Variants in ISL1 observed in about 807,000 individuals in gnomAD.
ISL1 encodes ISL LIM homeobox 1, also known as insulin gene enhancer protein ISL-1.
In ISL1, 4 loss-of-function variants were observed where a neutral mutation model predicts 35.3. The ratio of observed to expected loss-of-function variants is 0.11; its 90% CI spans 0.06 to 0.26. The LOEUF is 0.26. Among genes scored for constraint, ISL1 ranks in the 10% least tolerant of loss-of-function variants. The probability of loss-of-function intolerance (pLI) is 1.00; values close to 1 mark genes in which losing one functional copy is unlikely to be tolerated. For synonymous variants in ISL1, 186 were observed against 172.3 expected (o/e 1.08, Z -0.62); for missense variants, 340 against 472.8 (o/e 0.72, Z 2.60).
At chr5:51,385,198 A>G (rs3811910) in intron 2 of ISL1, among the ~76,000 whole-genome samples, 29,446 of 152,180 alleles carry the variant, frequency 0.19, 3,582 homozygotes, top group African/African-American at 0.34. Context: ...GTTTGACCGA[A>G]GCATGTTTAG....
In ISL1 at chr5:51,389,597, C is replaced by A. The variant is rs541905410; in HGVS notation, c.479-49C>A. On this transcript the variant is annotated intron_variant, in intron 3 of 5. Coordinates refer to ENST00000230658, the MANE Select transcript of ISL1 (RefSeq NM_002202.3). This position sits in a 1 kb window ranked among gnomAD's most constrained non-coding sequence, Gnocchi z 5.0. ...AGCGAGCGCGCGACCGCGGGCGGGC[C>A]GGCAAGCGAGCCTCCAGCCCAGCGC... is the stretch of plus-strand genomic sequence containing the variant. The A allele has an allele frequency of 4.1e-6, 6 of 1,449,572 alleles. No individual in the cohort carries two copies. Among genetic ancestry groups the A allele is most frequent in the African/African-American group, 1.5e-5 (1 of 67,454 alleles). The allele number at this position is 1,449,572 out of a possible 1,614,324, so 89.8% of individuals were successfully genotyped here. A position where few individuals can be genotyped will look rare whatever the true frequency, so the allele number is the denominator to read the frequency against.
At chr5:51,390,551 T>C (rs554358132) in intron 4 of ISL1, among the ~76,000 whole-genome samples, 51 of 151,336 alleles carry the variant, frequency 3.4e-4, no homozygotes, top group African/African-American at 1.1e-3. Context: ...TCCACTGTTA[T>C]CTTGGTCCCA....
chr5:51,383,651 A>T lies in ISL1; in HGVS notation c.-21A>T. On this transcript the variant is annotated 5_prime_UTR_variant, in exon 1 of 6. Coordinates refer to ENST00000230658, the MANE Select transcript of ISL1 (RefSeq NM_002202.3). ...CTGTACAACCACCATTTCACTGTGG[A>T]CATTACTCCCTCTTACAGATATGGG... 1.3e-6 allele frequency: 2 copies of T among 1,599,922 alleles called. No homozygotes were observed. The highest frequency in any genetic ancestry group is 1.7e-6 in the Non-Finnish European group (2 of 1,166,952).
At chr5:51,383,810 G>A in intron 1 of ISL1, 111 bp downstream of exon 1, 1 of 944,402 alleles carries the variant, frequency 1.1e-6, no homozygotes, top group Non-Finnish European at 1.7e-6. Flanking sequence ...TCATTGCCTG[G>A]AGAAAGAGAA....
chr5:51,394,027 T>G lies in ISL1; in HGVS notation c.*417T>G. On this transcript the variant is annotated 3_prime_UTR_variant, in exon 6 of 6. Coordinates refer to ENST00000230658, the MANE Select transcript of ISL1 (RefSeq NM_002202.3). ...TGCTGTTTCTATATTGGTCATTGCC[T>G]TGCCAAACAGGAGCTCCAGCAAAAG... 1 of 202,514 alleles carries G rather than the reference T, an allele frequency of 4.9e-6. No homozygotes were observed. Among genetic ancestry groups the G allele is most frequent in the South Asian group, 8.2e-5 (1 of 12,248 alleles). The allele number at this position is 202,514 out of a possible 1,614,324, so 12.5% of individuals were successfully genotyped here. A position where few individuals can be genotyped will look rare whatever the true frequency, so the allele number is the denominator to read the frequency against.
intron 2 of ISL1, among the ~76,000 whole-genome samples, chr5:51,385,488 G>A (rs760768151): frequency 2.6e-5 from 4 of 151,998 alleles, no homozygotes; most frequent in Admixed American, 6.6e-5. Context: ...TTAAAATCTG[G>A]TAACTGATAA....
Position 51,387,465 on chromosome 5 carries a change from C to G in ISL1, c.219-25C>G. On this transcript the variant is annotated intron_variant, in intron 2 of 5. Coordinates refer to ENST00000230658, the MANE Select transcript of ISL1 (RefSeq NM_002202.3). The surrounding 1 kb of genome is among the most constrained non-coding windows in gnomAD (Gnocchi z 4.3). ...TACTTCTCTCCCCGCTCTGGGCCGC[C>G]TCCGCTCCCCCCTCCCCCGCACAGG... is the stretch of plus-strand genomic sequence containing the variant. The G allele has an allele frequency of 6.2e-7, 1 of 1,613,244 alleles. No individual in the cohort carries two copies. Among genetic ancestry groups the G allele is most frequent in the Non-Finnish European group, 8.5e-7 (1 of 1,179,666 alleles).
chr5:51,387,496 C>T lies in ISL1; in HGVS notation c.225C>T (p.Tyr75=), dbSNP rs1260019482. 5.0e-6 allele frequency: 8 copies of T among 1,614,000 alleles called. No homozygotes were observed. The highest frequency in any genetic ancestry group is 1.7e-4 in the Middle Eastern group (1 of 6,060). The change falls in exon 3 of 6, where the codon TAC becomes TAT. Residue 75 remains tyrosine (Y), a synonymous_variant. Coordinates refer to ENST00000230658, the MANE Select transcript of ISL1 (RefSeq NM_002202.3). The surrounding 1 kb of genome is among the most constrained non-coding windows in gnomAD (Gnocchi z 4.3). ...TYCKRDYIRL[Y]GIKCAKCSIG... ...TCCCCCCTCCCCCGCACAGGTTGTA[C>T]GGGATCAAATGCGCCAAGTGCAGCA...
chr5:51,385,635 C>T (rs1747325750), intron 2 of ISL1, among the ~76,000 whole-genome samples: 1 of 151,526 alleles, frequency 6.6e-6, no homozygotes, highest in Non-Finnish European at 1.5e-5. Context: ...CTCAAGTTTC[C>T]TCTGACTTGT....
intron 5 of ISL1, among the ~76,000 whole-genome samples, chr5:51,392,183 C>T (rs949412495): frequency 1.3e-5 from 2 of 152,178 alleles, no homozygotes; most frequent in African/African-American, 4.8e-5. Flanking sequence ...AAAACCTTAA[C>T]ATGTTTTCCA....
chr5:51,389,422 G>A lies in ISL1; in HGVS notation c.479-224G>A, dbSNP rs1747428196. 6.6e-6 allele frequency among the ~76,000 whole-genome samples: 1 copy of A among 152,140 alleles called. No homozygotes were observed. The highest frequency in any genetic ancestry group is 1.5e-5 in the Non-Finnish European group (1 of 68,020). On this transcript the variant is annotated intron_variant, in intron 3 of 5. Coordinates refer to ENST00000230658, the MANE Select transcript of ISL1 (RefSeq NM_002202.3). The surrounding 1 kb of genome is among the most constrained non-coding windows in gnomAD (Gnocchi z 5.0). ...AGCAAAGACCTCTGCAGATTAGAGAGGAAGATTTTATTCTCCCTTTCACCC... is the reference window on the plus strand; with the variant it reads ...AGCAAAGACCTCTGCAGATTAGAGAAGAAGATTTTATTCTCCCTTTCACCC...
rs1747577912 is a variant in ISL1, at chr5:51,394,007, T to TA, written c.*397_*398insA. The TA allele has an allele frequency of 1.2e-5, 3 of 254,264 alleles. No homozygotes were observed. The highest frequency in any genetic ancestry group is 2.3e-5 in the Non-Finnish European group (3 of 129,760). 15.8% of individuals were successfully genotyped at this position (254,264 alleles called of 1,614,324 possible). On this transcript the variant is annotated 3_prime_UTR_variant, in exon 6 of 6. Coordinates refer to ENST00000230658, the MANE Select transcript of ISL1 (RefSeq NM_002202.3). ...GTCCATCCTAATCTGAATGGTGCTGTTTCTATATTGGTCATTGCCTTGCCA... is the reference window on the plus strand; with the variant it reads ...GTCCATCCTAATCTGAATGGTGCTGTATTCTATATTGGTCATTGCCTTGCCA...
In ISL1 at chr5:51,387,058, T is replaced by C. The variant is rs971059956; in HGVS notation, c.219-432T>C. Among the ~76,000 whole-genome samples the C allele has an allele frequency of 2.0e-5, 3 of 152,122 alleles. No individual in the cohort carries two copies. Among genetic ancestry groups the C allele is most frequent in the African/African-American group, 7.2e-5 (3 of 41,424 alleles). On this transcript the variant is annotated intron_variant, in intron 2 of 5. Coordinates refer to ENST00000230658, the MANE Select transcript of ISL1 (RefSeq NM_002202.3). This position sits in a 1 kb window ranked among gnomAD's most constrained non-coding sequence, Gnocchi z 4.3. Reference sequence around the variant, plus strand: ...ATTGTGGGATAGGGAAGTGAAAGTGTTGGTGTCGGTGGCCACCAGAGTCTT... The same window carrying C: ...ATTGTGGGATAGGGAAGTGAAAGTGCTGGTGTCGGTGGCCACCAGAGTCTT...
chr5:51,393,674 T>G lies in ISL1; in HGVS notation c.*64T>G. 9.7e-7 allele frequency: 1 copy of G among 1,028,392 alleles called. No homozygotes were observed. Among genetic ancestry groups the G allele is most frequent in the Non-Finnish European group, 1.5e-6 (1 of 645,518 alleles). 63.7% of individuals were successfully genotyped at this position (1,028,392 alleles called of 1,614,324 possible). A position where few individuals can be genotyped will look rare whatever the true frequency, so the allele number is the denominator to read the frequency against. On this transcript the variant is annotated 3_prime_UTR_variant, in exon 6 of 6. Coordinates refer to ENST00000230658, the MANE Select transcript of ISL1 (RefSeq NM_002202.3). ...AGTGGGAAATTATAATGTCGAACTC[T>G]GAAACAAAAGTATTTAACGACCCAG...
chr5:51,387,000 T>G (rs1305491830), intron 2 of ISL1, among the ~76,000 whole-genome samples: 1 of 152,078 alleles, frequency 6.6e-6, no homozygotes, highest in African/African-American at 2.4e-5. Context: ...GGAGGACTTT[T>G]TGTTGCAGTT....
chr5:51,392,664 C>T (rs530411673), intron 5 of ISL1, among the ~76,000 whole-genome samples: 5 of 152,240 alleles, frequency 3.3e-5, no homozygotes, highest in East Asian at 1.9e-4. Flanking sequence ...GTTATTTGAG[C>T]GAATCCTGAA....
At chr5:51,388,599 G>T (rs1279681285) in intron 3 of ISL1, among the ~76,000 whole-genome samples, 1 of 152,194 alleles carries the variant, frequency 6.6e-6, no homozygotes, top group Non-Finnish European at 1.5e-5. Flanking sequence ...GGGTTAGAAG[G>T]TGGACAGTGT....
At position 51,394,620 on chromosome 5, in the gene ISL1, T is replaced by TATG. The variant is rs1747596020; in HGVS notation, c.*1011_*1013dup. The TATG allele has an allele frequency of 6.6e-6, 1 of 152,668 alleles. No individual in the cohort carries two copies. The highest frequency in any genetic ancestry group is 1.5e-5 in the Non-Finnish European group (1 of 68,050). 9.5% of individuals were successfully genotyped at this position (152,668 alleles called of 1,614,324 possible). On this transcript the variant is annotated 3_prime_UTR_variant, in exon 6 of 6. Transcript: ENST00000230658. Reference sequence around the variant, plus strand: ...GGTCTTTGAATTATATGTCTAATTCTATGTGTTTTGTCTTTTTCTTAAATA... The same window carrying TATG: ...GGTCTTTGAATTATATGTCTAATTCTATGATGTGTTTTGTCTTTTTCTTAAATA...
At position 51,391,485 on chromosome 5, in the gene ISL1, G is replaced by A. The variant is rs769207735; in HGVS notation, c.933+44G>A. On this transcript the variant is annotated intron_variant, in intron 5 of 5. Coordinates refer to ENST00000230658, the MANE Select transcript of ISL1 (RefSeq NM_002202.3). ...ATGGAAGAGGCTGAATTCCCAACAG[G>A]AGACTCTGGTTTAACTGTCACACAT... The A allele has an allele frequency of 6.8e-6, 11 of 1,606,606 alleles. No individual in the cohort carries two copies. The South Asian group carries it at 8.8e-5, about 13-fold the overall frequency.
Sources: gnomAD v4.1 joint callset for allele counts (sites outside exome capture counted in the v4.1 genomes callset) on GRCh38, gnomAD v4.1.1 for gene constraint, Gnocchi (gnomAD v3.1) non-coding constraint, MANE v1.5 for transcripts, NCBI Gene and HGNC (gene_info 2026-07-23, HGNC 2026-07-21) for gene names.